CFDP1: variants seen among roughly 807,000 people sequenced by gnomAD.
CFDP1 encodes heterochromatin-stabilizing protein CFDP1.
Under a neutral mutation model 40.1 loss-of-function variants are expected in CFDP1, and 31 were observed. The ratio of observed to expected loss-of-function variants is 0.77; its 90% CI spans 0.58 to 1.04. The LOEUF is 1.04. CFDP1 is among the 50% of genes least tolerant of loss of function. The probability of loss-of-function intolerance (pLI) is 0.00; values close to 1 mark genes in which losing one functional copy is unlikely to be tolerated. For synonymous variants in CFDP1, 167 were observed against 120.0 expected, an observed-to-expected ratio of 1.39 and a Z score of -2.56; for missense variants, 423 against 343.4, an observed-to-expected ratio of 1.23 and a Z score of -1.83.
At chr16:75,415,489 T>C (rs2079195323) in intron 1 of CFDP1, among the ~76,000 whole-genome samples, 1 of 152,208 alleles carries the variant, frequency 6.6e-6, no homozygotes, top group South Asian at 2.1e-4. Context: ...ATTAGCAGCA[T>C]CCCAGAAGGC....
intron 5 of CFDP1, among the ~76,000 whole-genome samples, chr16:75,333,043 G>A (rs557888307): frequency 1.3e-5 from 2 of 151,228 alleles, no homozygotes; most frequent in East Asian, 2.0e-4. Context: ...CCTAACCTCA[G>A]GTGATCTGCC....
intron 5 of CFDP1, among the ~76,000 whole-genome samples, chr16:75,336,891 C>T (rs2078492590): frequency 1.3e-5 from 2 of 152,084 alleles, no homozygotes; most frequent in Non-Finnish European, 2.9e-5. Flanking sequence ...ATGTATGAGC[C>T]ATTTGTATTT....
intron 5 of CFDP1, among the ~76,000 whole-genome samples, chr16:75,357,806 C>T (rs1037167979): frequency 1.3e-5 from 2 of 152,204 alleles, no homozygotes; most frequent in Admixed American, 1.3e-4. Flanking sequence ...GCACTCTTAG[C>T]TTCCTTCAAG....
chr16:75,348,856 A>G (rs1597346853), intron 5 of CFDP1, among the ~76,000 whole-genome samples: 1 of 152,046 alleles, frequency 6.6e-6, no homozygotes, highest in African/African-American at 2.4e-5. Flanking sequence ...TGTAAATGGA[A>G]CTGTCTCCAT....
intron 5 of CFDP1, among the ~76,000 whole-genome samples, chr16:75,374,113 C>T (rs948169002): frequency 4.0e-5 from 6 of 151,824 alleles, no homozygotes; most frequent in Admixed American, 6.6e-5. Flanking sequence ...ATCAGCCAGG[C>T]GTGGTGGTGG....
intron 5 of CFDP1, among the ~76,000 whole-genome samples, chr16:75,335,746 C>T (rs1297206925): frequency 6.6e-6 from 1 of 151,950 alleles, no homozygotes; most frequent in Non-Finnish European, 1.5e-5. Flanking sequence ...TTAGCAGAGA[C>T]GGGGTTTCAC....
chr16:75,412,003 G>C (rs1027785082), intron 3 of CFDP1, 51 bp from the exon 4 acceptor site: 3 of 1,537,790 alleles, frequency 2.0e-6, no homozygotes, highest in Non-Finnish European at 2.6e-6. Flanking sequence ...GAACCATATT[G>C]TTTACAGATA....
intron 5 of CFDP1, among the ~76,000 whole-genome samples, chr16:75,311,716 T>C (rs1002402861): frequency 6.6e-6 from 1 of 152,042 alleles, no homozygotes; most frequent in Non-Finnish European, 1.5e-5. Context: ...GGCAGAGATA[T>C]GCAGTTTCCT....
chr16:75,345,804 T>C, intron 5 of CFDP1, among the ~76,000 whole-genome samples: 1 of 152,214 alleles, frequency 6.6e-6, no homozygotes. Flanking sequence ...AAGTAAACTT[T>C]AAAATCTTGA....
chr16:75,357,747 A>G (rs984529560), intron 5 of CFDP1, among the ~76,000 whole-genome samples: 1 of 152,246 alleles, frequency 6.6e-6, no homozygotes, highest in Non-Finnish European at 1.5e-5. Context: ...TCTTCAGATC[A>G]GCAATAAAGC....
chr16:75,367,610 T>C (rs2078723914), intron 5 of CFDP1, among the ~76,000 whole-genome samples: 1 of 151,728 alleles, frequency 6.6e-6, no homozygotes. Context: ...TTGGCCAACA[T>C]GGTGAAACCC....
intron 5 of CFDP1, among the ~76,000 whole-genome samples, chr16:75,313,891 TTTG>T (rs760561688): frequency 7.0e-5 from 10 of 143,312 alleles, no homozygotes; most frequent in Non-Finnish European, 1.4e-4. Context: ...TTCACTGTTT[TTTG>T]TTTTTTTTTA....
At chr16:75,361,674 T>TA (rs2078680147) in intron 5 of CFDP1, among the ~76,000 whole-genome samples, 1 of 151,920 alleles carries the variant, frequency 6.6e-6, no homozygotes, top group African/African-American at 2.4e-5. Flanking sequence ...GATAAACATG[T>TA]AAAAAACTCA....
chr16:75,315,097 A>G (rs2078315943), intron 5 of CFDP1, among the ~76,000 whole-genome samples: 1 of 152,094 alleles, frequency 6.6e-6, no homozygotes, highest in African/African-American at 2.4e-5. Flanking sequence ...GATTCACAAA[A>G]GCATCACATA....
intron 2 of CFDP1, among the ~76,000 whole-genome samples, chr16:75,414,210 TA>T (rs889213358): frequency 1.5e-4 from 22 of 148,154 alleles, no homozygotes; most frequent in African/African-American, 2.7e-4. Flanking sequence ...ATTTTTTTTC[TA>T]AAAAAAAAAT....
intron 5 of CFDP1, among the ~76,000 whole-genome samples, chr16:75,316,826 G>A (rs576487386): frequency 9.0e-4 from 137 of 151,880 alleles, no homozygotes; most frequent in African/African-American, 3.0e-3. Context: ...AAAATTAGCC[G>A]GGCGTGGAGG....
At chr16:75,388,638 T>C (rs932936230) in intron 5 of CFDP1, among the ~76,000 whole-genome samples, 11 of 152,346 alleles carry the variant, frequency 7.2e-5, no homozygotes, top group Admixed American at 5.2e-4. Flanking sequence ...GTCAACTTTC[T>C]AGAGTTTTAA....
At chr16:75,424,263 C>T (rs2079309606) in intron 1 of CFDP1, among the ~76,000 whole-genome samples, 1 of 152,148 alleles carries the variant, frequency 6.6e-6, no homozygotes, top group Non-Finnish European at 1.5e-5. Flanking sequence ...TTTGCTTAGA[C>T]TTTGTGCCTC....
At chr16:75,397,816 A>G (rs2079010094) in intron 4 of CFDP1, among the ~76,000 whole-genome samples, 1 of 152,202 alleles carries the variant, frequency 6.6e-6, no homozygotes, top group Non-Finnish European at 1.5e-5. Flanking sequence ...AAAATAAATA[A>G]ATAAATAAAA....
Sources: gnomAD v4.1 joint callset for allele counts (sites outside exome capture counted in the v4.1 genomes callset) on GRCh38, gnomAD v4.1.1 for gene constraint, MANE v1.5 for transcripts, NCBI Gene and HGNC (gene_info 2026-07-23, HGNC 2026-07-21) for gene names.